GOLGA3: variants seen among roughly 807,000 people sequenced by gnomAD.
GOLGA3 encodes golgin subfamily A member 3.
A neutral mutation model predicts 169.4 loss-of-function variants in GOLGA3; 75 were observed. The ratio of observed to expected loss-of-function variants is 0.44; its 90% CI spans 0.37 to 0.54. The LOEUF is 0.54. Among genes scored for constraint, GOLGA3 ranks in the 20% least tolerant of loss-of-function variants. The pLI is 0.00. For missense variants in GOLGA3, 1,899 were observed against 1,930.0 expected (o/e 0.98, Z 0.30); for synonymous variants, 824 against 822.4 (o/e 1.00, Z -0.03).
At chr12:132,808,809 G>A (rs768949516) in intron 4 of GOLGA3, among the ~76,000 whole-genome samples, 3 of 152,156 alleles carry the variant, frequency 2.0e-5, no homozygotes, top group East Asian at 3.9e-4. Flanking sequence ...ACCTCAACAC[G>A]TTTAAAACAC....
In GOLGA3 at chr12:132,771,613, C is replaced by A. The variant is rs1593206774; in HGVS notation, c.*1492G>T. The A allele has an allele frequency of 6.6e-6, 1 of 152,080 alleles. No homozygotes were observed. The highest frequency in any genetic ancestry group is 2.4e-5 in the African/African-American group (1 of 41,374). The allele number at this position is 152,080 out of a possible 1,614,324, so 9.4% of individuals were successfully genotyped here. ...TCCTCACGGTGCCTGCCTGTCTCTTCCGGAAGTCGCCTCTGCTTGCCACAT... is the reference window on the plus strand; with the variant it reads ...TCCTCACGGTGCCTGCCTGTCTCTTACGGAAGTCGCCTCTGCTTGCCACAT... On this transcript the variant is annotated 3_prime_UTR_variant, in exon 24 of 24. Transcript: ENST00000450791.
chr12:132,779,983 C>CAT (rs2045484867), intron 18 of GOLGA3, among the ~76,000 whole-genome samples: 1 of 130,860 alleles, frequency 7.6e-6, no homozygotes. Flanking sequence ...GCACAGCCCG[C>CAT]GTGCACACAC....
At chr12:132,820,132 C>T (rs1950149148) in intron 2 of GOLGA3, among the ~76,000 whole-genome samples, 1 of 151,862 alleles carries the variant, frequency 6.6e-6, no homozygotes, top group African/African-American at 2.4e-5. Context: ...GCCGAGATCG[C>T]ACCATTGCAC....
chr12:132,778,969 G>A (rs1216291588), intron 18 of GOLGA3, among the ~76,000 whole-genome samples: 1 of 151,970 alleles, frequency 6.6e-6, no homozygotes, highest in Non-Finnish European at 1.5e-5. Flanking sequence ...CACCGTGTGA[G>A]CCAGCCTGAA....
At position 132,784,168 on chromosome 12, in the gene GOLGA3, T is replaced by C. The variant is rs777962465; in HGVS notation, c.3263A>G (p.Asp1088Gly). The C allele has an allele frequency of 1.2e-6, 2 of 1,607,526 alleles. No homozygotes were observed. Among genetic ancestry groups the C allele is most frequent in the South Asian group, 2.2e-5 (2 of 91,092 alleles). Residue 1088 changes from aspartate (D) to glycine (G), a missense_variant, in exon 16 of 24, where the codon GAC becomes GGC. By Grantham distance (94) the Asp-to-Gly change is moderately conservative. Transcript: ENST00000450791. Reference sequence around the variant, plus strand: ...CAGCAGATGGCCAGGCCTCACCTCGTCCTCCAGCTCCAGCACCTTCTCCCG... The same window carrying C: ...CAGCAGATGGCCAGGCCTCACCTCGCCCTCCAGCTCCAGCACCTTCTCCCG... Reference protein sequence around the residue: ...ESREKVLELEDELQESRGFRK... With the variant: ...ESREKVLELEGELQESRGFRK...
rs1949805467 is a variant in GOLGA3 at position 132,813,286 on chromosome 12, G to A, written c.519+21C>T. On this transcript the variant is annotated intron_variant, in intron 4 of 23. Coordinates refer to ENST00000450791, the MANE Select transcript of GOLGA3 (RefSeq NM_001389683.1). ...GGCACAGGAAGCTTTCCATGAGCTTGTTCGGGAGAGGGAGACTCACCCTCT... is the reference window on the plus strand; with the variant it reads ...GGCACAGGAAGCTTTCCATGAGCTTATTCGGGAGAGGGAGACTCACCCTCT... 6.0e-6 allele frequency: 9 copies of A among 1,503,908 alleles called. No individual in the cohort carries two copies. The East Asian group carries it at 1.6e-4, about 26-fold the overall frequency. 93.2% of individuals were successfully genotyped at this position (1,503,908 alleles called of 1,614,324 possible).
At chr12:132,787,550 G>A (rs1199778173) in intron 13 of GOLGA3, among the ~76,000 whole-genome samples, 1 of 59,932 alleles carries the variant, frequency 1.7e-5, no homozygotes, top group Non-Finnish European at 3.6e-5. Context: ...CTCCCCCAGA[G>A]CCCCCAGGAC....
At position 132,777,613 on chromosome 12, in the gene GOLGA3, C is replaced by A; in HGVS notation, c.3722+53G>T. The A allele has an allele frequency of 1.2e-6, 2 of 1,601,074 alleles. No homozygotes were observed. The highest frequency in any genetic ancestry group is 2.2e-5 in the South Asian group (2 of 90,148). On this transcript the variant is annotated intron_variant, in intron 19 of 23. Transcript: ENST00000450791. This position sits in a 1 kb window ranked among gnomAD's most constrained non-coding sequence, Gnocchi z 4.7. ...TGTGCTGAAGGTGTGAATTAGACCC[C>A]GCCCATTGCCAGGACAGCCATGTTT... is the stretch of plus-strand genomic sequence containing the variant.
intron 2 of GOLGA3, 85 bp from the exon 3 acceptor site, chr12:132,816,897 A>G: frequency 8.1e-7 from 1 of 1,227,556 alleles, no homozygotes; most frequent in Non-Finnish European, 1.1e-6. Context: ...AGTAGGAGAG[A>G]AGAGGATCCA....
intron 12 of GOLGA3, among the ~76,000 whole-genome samples, chr12:132,790,392 C>T (rs1593277898): frequency 6.6e-6 from 1 of 152,240 alleles, no homozygotes; most frequent in East Asian, 1.9e-4. Context: ...GGGTCACCCT[C>T]GCTCAGAAAT....
chr12:132,826,758 T>C (rs2136844814), intron 1 of GOLGA3, among the ~76,000 whole-genome samples: 1 of 152,262 alleles, frequency 6.6e-6, no homozygotes. Flanking sequence ...CGATTCCCAG[T>C]CTTGCTTGAT....
chr12:132,805,117 C>A, intron 6 of GOLGA3, 95 bp from the exon 7 acceptor site: 1 of 1,380,738 alleles, frequency 7.2e-7, no homozygotes, highest in South Asian at 1.4e-5. Context: ...CAGTCAGGGC[C>A]TGACAGGGGA....
rs1949533169 is a variant in GOLGA3, at chr12:132,808,425, G to A, written c.644C>T (p.Thr215Ile). 6.2e-7 allele frequency: 1 copy of A among 1,614,174 alleles called. No individual in the cohort carries two copies. Among genetic ancestry groups the A allele is most frequent in the South Asian group, 1.1e-5 (1 of 91,088 alleles). The change falls in exon 5 of 24, where the codon ACC (threonine) becomes ATC (isoleucine). Residue 215 changes from threonine to isoleucine, a missense_variant. By Grantham distance (89) the Thr-to-Ile change is moderately conservative (BLOSUM62 -1). Coordinates refer to ENST00000450791, the MANE Select transcript of GOLGA3 (RefSeq NM_001389683.1). ...CACCTTAGGCCCCCGAGGGACACTG[G>A]TGCGCAGGAAGGAATATTCTTTTGT... The part of the protein sequence containing the change: ...AMTKEYSFLR[T>I]SVPRGPKVGS...
chr12:132,808,604 T>C (rs1949543394), intron 4 of GOLGA3, 55 bp from the exon 5 acceptor site: 1 of 1,355,652 alleles, frequency 7.4e-7, no homozygotes, highest in African/African-American at 1.5e-5. Flanking sequence ...AGCAGCATAC[T>C]TAAAACTGCC....
intron 6 of GOLGA3, among the ~76,000 whole-genome samples, chr12:132,806,502 G>A (rs1236955483): frequency 1.3e-5 from 2 of 152,202 alleles, no homozygotes; most frequent in African/African-American, 2.4e-5. Context: ...GACATGAGGC[G>A]TGCATTTAGC....
chr12:132,784,249 A>C lies in GOLGA3; in HGVS notation c.3182T>G (p.Leu1061Arg), dbSNP rs753551917. 1 of 1,611,048 alleles carries C rather than the reference A, an allele frequency of 6.2e-7. No individual in the cohort carries two copies. Among genetic ancestry groups the C allele is most frequent in the Non-Finnish European group, 8.5e-7 (1 of 1,180,000 alleles). Residue 1061 changes from leucine to arginine, a missense_variant, in exon 16 of 24, where the codon CTG becomes CGG. Physicochemically the swap from Leu to Arg is moderately radical, Grantham distance 102. Coordinates refer to ENST00000450791, the MANE Select transcript of GOLGA3 (RefSeq NM_001389683.1). ...LQAVSHSKTL[L>R]EKELQEVIAL... ...TATGACCTCCTGCAGTTCCTTTTCC[A>C]GCAGCGTCTTGCTATGACTGACAGC... is the stretch of plus-strand genomic sequence containing the variant.
chr12:132,823,673 G>C (rs1950303580), intron 1 of GOLGA3, among the ~76,000 whole-genome samples: 1 of 151,974 alleles, frequency 6.6e-6, no homozygotes, highest in African/African-American at 2.4e-5. Flanking sequence ...TGTAATCCCA[G>C]CTACTTGGGA....
At chr12:132,826,117 G>C in intron 1 of GOLGA3, 1 of 1,546,186 alleles carries the variant, frequency 6.5e-7, no homozygotes. Flanking sequence ...CTCTGAGCAA[G>C]ACAGTGCACC....
chr12:132,800,942 G>C (rs1182350503), intron 8 of GOLGA3, among the ~76,000 whole-genome samples: 1 of 152,188 alleles, frequency 6.6e-6, no homozygotes, highest in African/African-American at 2.4e-5. Context: ...CTGGGTGACG[G>C]AGTGAGACAC....
Sources: allele counts gnomAD v4.1 joint callset (sites outside exome capture counted in the v4.1 genomes callset), GRCh38; gene constraint gnomAD v4.1.1; non-coding constraint Gnocchi (gnomAD v3.1); transcripts MANE v1.5; gene names NCBI Gene and HGNC (gene_info 2026-07-23, HGNC 2026-07-21).